The following MALRD1 variants were observed in gnomAD, a reference collection of about 807,000 sequenced individuals.
MALRD1 encodes the protein MAM and LDL-receptor class A domain-containing protein 1.
MALRD1 carries 247 observed loss-of-function variants against 242.1 expected under a neutral mutation model. That is an observed-to-expected ratio of 1.02 (90% CI 0.92 to 1.13). The LOEUF (loss-of-function observed/expected upper bound fraction) is 1.13. Among genes scored for constraint, MALRD1 ranks in the 50% most tolerant of loss-of-function variants. The pLI, the probability that MALRD1 is intolerant of heterozygous loss-of-function variation, is 0.00. For synonymous variants in MALRD1, 995 were observed against 866.6 expected, an observed-to-expected ratio of 1.15 and a Z score of -2.60; for missense variants, 2,989 against 2,533.1, an observed-to-expected ratio of 1.18 and a Z score of -3.86.
At chr10:19,343,177 T>C (rs1449121998) in intron 24 of MALRD1, among the ~76,000 whole-genome samples, 2 of 152,146 alleles carry the variant, frequency 1.3e-5, no homozygotes, top group Non-Finnish European at 2.9e-5. Context: ...CAAAATACAC[T>C]GGAAACCACT....
intron 26 of MALRD1, among the ~76,000 whole-genome samples, chr10:19,382,509 T>A (rs982912767): frequency 6.6e-6 from 1 of 152,206 alleles, no homozygotes; most frequent in Non-Finnish European, 1.5e-5. Context: ...CATAGTTGTG[T>A]CAGTTAATTT....
intron 14 of MALRD1, among the ~76,000 whole-genome samples, chr10:19,202,568 A>G (rs1049897358): frequency 6.6e-6 from 1 of 152,068 alleles, no homozygotes; most frequent in Non-Finnish European, 1.5e-5. Flanking sequence ...TCATTTAGTG[A>G]TTTAGTTTAC....
intron 36 of MALRD1, among the ~76,000 whole-genome samples, chr10:19,681,223 T>A (rs1488721795): frequency 6.6e-6 from 1 of 152,182 alleles, no homozygotes; most frequent in African/African-American, 2.4e-5. Flanking sequence ...TTCGGGAAGT[T>A]CTCCTGGATG....
intron 35 of MALRD1, among the ~76,000 whole-genome samples, 178 bp downstream of exon 35, chr10:19,608,080 A>G (rs1217756216): frequency 1.3e-5 from 2 of 152,130 alleles, no homozygotes; most frequent in Non-Finnish European, 1.5e-5. Flanking sequence ...CTAAAGTATT[A>G]TAAACATATA....
intron 26 of MALRD1, among the ~76,000 whole-genome samples, chr10:19,362,104 TA>T (rs1224847437): frequency 1.3e-5 from 2 of 152,124 alleles, no homozygotes; most frequent in East Asian, 3.9e-4. Context: ...CTTTTAGGGC[TA>T]TCATAGCAAT....
intron 28 of MALRD1, among the ~76,000 whole-genome samples, chr10:19,406,057 T>C (rs1182352955): frequency 6.6e-6 from 1 of 152,152 alleles, no homozygotes; most frequent in South Asian, 2.1e-4. Context: ...GGGCAAATTA[T>C]TTAGAATCCA....
intron 27 of MALRD1, among the ~76,000 whole-genome samples, chr10:19,388,545 T>C (rs938922657): frequency 6.6e-6 from 1 of 152,176 alleles, no homozygotes; most frequent in Non-Finnish European, 1.5e-5. Context: ...TTTGAGATGA[T>C]AAAATTTGAC....
At chr10:19,531,146 T>G (rs1834395462) in intron 31 of MALRD1, 48 bp from the exon 32 acceptor site, 26 of 1,450,360 alleles carry the variant, frequency 1.8e-5, no homozygotes, top group East Asian at 1.8e-4. Flanking sequence ...TTCCGACTCA[T>G]GCGATATTAT....
intron 36 of MALRD1, among the ~76,000 whole-genome samples, chr10:19,617,080 A>G (rs1305090434): frequency 6.6e-6 from 1 of 152,056 alleles, no homozygotes; most frequent in East Asian, 1.9e-4. Flanking sequence ...AGATAATATT[A>G]TTTAATGTCA....
At chr10:19,460,458 T>C (rs1421118334) in intron 29 of MALRD1, among the ~76,000 whole-genome samples, 1 of 152,152 alleles carries the variant, frequency 6.6e-6, no homozygotes, top group Non-Finnish European at 1.5e-5. Context: ...CAGATTTTTT[T>C]TTTTTTACTG....
rs114263370 is a variant in MALRD1 at position 19,675,632 on chromosome 10, T to C, written c.6138-16650T>C. Among the ~76,000 whole-genome samples, 406 of 152,346 alleles carry C rather than the reference T, an allele frequency of 2.7e-3. 2 individuals carry two copies. The highest frequency in any genetic ancestry group is 9.4e-3 in the African/African-American group (389 of 41,568). On this transcript the variant is annotated intron_variant, in intron 36 of 39. Transcript: ENST00000454679. Reference sequence around the variant, plus strand: ...TGCATGCTAAAATTGTAAGTGATTATTTTAATTATTAAATGAGATAATATA... The same window carrying C: ...TGCATGCTAAAATTGTAAGTGATTACTTTAATTATTAAATGAGATAATATA...
In MALRD1 at chr10:19,543,433, C is replaced by CTTTT. The variant is rs71388849; in HGVS notation, c.5478+12097_5478+12100dup. Among the ~76,000 whole-genome samples the CTTTT allele has an allele frequency of 2.7e-4, 29 of 106,432 alleles. 1 individual carries two copies. Among genetic ancestry groups the CTTTT allele is most frequent in the Non-Finnish European group, 3.5e-4 (19 of 54,102 alleles). 69.8% of individuals were successfully genotyped at this position (106,432 alleles called of 152,430 possible). A position where few individuals can be genotyped will look rare whatever the true frequency, so the allele number is the denominator to read the frequency against. ...TGTAAAAATCATGCCCAGCTGATTTCTTTTTTTTTTTTTTTTTTGAGAGAG... is the reference window on the plus strand; with the variant it reads ...TGTAAAAATCATGCCCAGCTGATTTCTTTTTTTTTTTTTTTTTTTTTTGAGAGAG... On this transcript the variant is annotated intron_variant, in intron 32 of 39. Transcript: ENST00000454679.
intron 26 of MALRD1, among the ~76,000 whole-genome samples, chr10:19,367,188 T>C (rs1251467164): frequency 1.3e-5 from 2 of 152,082 alleles, no homozygotes; most frequent in African/African-American, 2.4e-5. Context: ...CATCCTAGTG[T>C]GCTGTAATAC....
intron 28 of MALRD1, among the ~76,000 whole-genome samples, chr10:19,423,656 C>G (rs1833796650): frequency 6.6e-6 from 1 of 151,998 alleles, no homozygotes; most frequent in Non-Finnish European, 1.5e-5. Context: ...GATGAGAGCA[C>G]CCATTCAGCT....
chr10:19,348,103 G>A, intron 25 of MALRD1, 85 bp downstream of exon 25: 2 of 1,445,638 alleles, frequency 1.4e-6, no homozygotes, highest in Admixed American at 2.6e-5. Context: ...AAAACAGAGT[G>A]GCTGGGGCCA....
At chr10:19,504,487 A>G (rs1004463418) in intron 31 of MALRD1, among the ~76,000 whole-genome samples, 3 of 152,068 alleles carry the variant, frequency 2.0e-5, no homozygotes, top group African/African-American at 7.2e-5. Context: ...ATGGGGTTAG[A>G]TATAGAAAAG....
intron 30 of MALRD1, among the ~76,000 whole-genome samples, chr10:19,494,912 A>C (rs1837644716): frequency 6.6e-6 from 1 of 152,186 alleles, no homozygotes; most frequent in South Asian, 2.1e-4. Context: ...ATTCAAATTC[A>C]GGAAATGAAG....
chr10:19,081,119 A>T (rs770879077), intron 2 of MALRD1, among the ~76,000 whole-genome samples: 14 of 152,076 alleles, frequency 9.2e-5, no homozygotes, highest in Non-Finnish European at 1.5e-4. Flanking sequence ...GAAACAACAG[A>T]TGCTAGCCAG....
intron 13 of MALRD1, among the ~76,000 whole-genome samples, chr10:19,174,853 A>C (rs1218601668): frequency 6.6e-6 from 1 of 152,098 alleles, no homozygotes; most frequent in Non-Finnish European, 1.5e-5. Context: ...TTACAAATCA[A>C]TTCATATCTC....
Sources: gnomAD v4.1 joint callset for allele counts (sites outside exome capture counted in the v4.1 genomes callset) on GRCh38, gnomAD v4.1.1 for gene constraint, MANE v1.5 for transcripts, NCBI Gene and HGNC (gene_info 2026-07-23, HGNC 2026-07-21) for gene names.